STYXL1: variants seen among roughly 807,000 people sequenced by gnomAD.
STYXL1 encodes the protein serine/threonine/tyrosine interacting like 1.
In STYXL1, 32 loss-of-function variants were observed where a neutral mutation model predicts 36.4. The observed-to-expected ratio is 0.88, with a 90% CI of 0.66 to 1.18. The LOEUF (loss-of-function observed/expected upper bound fraction) is 1.18, where lower values mean the gene tolerates loss of function less well. STYXL1 is among the 50% of genes most tolerant of loss of function. STYXL1 has a pLI of 0.00. For synonymous variants in STYXL1, 133 were observed against 144.1 expected (o/e 0.92, Z 0.55); for missense variants, 354 against 394.1 (o/e 0.90, Z 0.86).
At chr7:76,014,624 A>T (rs1354091558) in intron 4 of STYXL1, among the ~76,000 whole-genome samples, 3 of 152,060 alleles carry the variant, frequency 2.0e-5, no homozygotes, top group African/African-American at 7.2e-5. Context: ...GAGTGCTGAG[A>T]TTACAGGTGT....
At chr7:76,009,107 G>C (rs1402721122) in intron 5 of STYXL1, among the ~76,000 whole-genome samples, 7 of 152,130 alleles carry the variant, frequency 4.6e-5, no homozygotes, top group Non-Finnish European at 1.0e-4. Context: ...TTCTGCGGTT[G>C]TGTGGGTTTG....
chr7:76,003,715 C>T, intron 7 of STYXL1, 43 bp downstream of exon 7: 1 of 1,586,966 alleles, frequency 6.3e-7, no homozygotes, highest in Non-Finnish European at 8.7e-7. Context: ...CTCTGCTTCC[C>T]AGACACAGGC....
chr7:76,030,619 A>G, intron 1 of STYXL1, 92 bp from the exon 2 acceptor site: 1 of 756,612 alleles, frequency 1.3e-6, no homozygotes, highest in East Asian at 2.7e-5. Context: ...CTTTTTTAAC[A>G]TACCTTCAAG....
Position 76,027,223 on chromosome 7 carries a change from G to A in STYXL1, c.165+1419C>T, listed in dbSNP as rs531790637. Reference sequence around the variant, plus strand: ...ATGAGGGAGAAGACACCCTGGAGGCGTGGGGAAAAGGTTTCGCTGCAGTAG... The same window carrying A: ...ATGAGGGAGAAGACACCCTGGAGGCATGGGGAAAAGGTTTCGCTGCAGTAG... On this transcript the variant is annotated intron_variant, in intron 3 of 8. Coordinates refer to ENST00000359697, the MANE Select transcript of STYXL1 (RefSeq NM_001317785.2). Among the ~76,000 whole-genome samples, 41 of 152,128 alleles carry A rather than the reference G, an allele frequency of 2.7e-4. 1 individual carries two copies. In the East Asian group the frequency reaches 6.8e-3, roughly 25 times the overall value.
At chr7:75,999,482 A>G (rs1790530740) in intron 8 of STYXL1, among the ~76,000 whole-genome samples, 1 of 84,308 alleles carries the variant, frequency 1.2e-5, no homozygotes, top group Admixed American at 1.2e-4. Flanking sequence ...TAAGATGGTA[A>G]TTTTTTTGTT....
chr7:76,007,087 G>A (rs1361722205), intron 5 of STYXL1, among the ~76,000 whole-genome samples: 1 of 152,104 alleles, frequency 6.6e-6, no homozygotes, highest in Non-Finnish European at 1.5e-5. Flanking sequence ...TACATAGCAT[G>A]TACATTGTAT....
intron 2 of STYXL1, among the ~76,000 whole-genome samples, chr7:76,030,114 C>T (rs1795163192): frequency 6.6e-6 from 1 of 152,180 alleles, no homozygotes; most frequent in Admixed American, 6.5e-5. Context: ...AATTCTCATG[C>T]CTCAGCCTCC....
chr7:76,003,256 C>T (rs782633314), intron 7 of STYXL1, among the ~76,000 whole-genome samples: 13 of 152,218 alleles, frequency 8.5e-5, no homozygotes, highest in Non-Finnish European at 1.5e-4. Flanking sequence ...GGCAACATAG[C>T]AAGACCCCAA....
At chr7:76,004,156 C>T (rs185070331) in intron 6 of STYXL1, among the ~76,000 whole-genome samples, 6 of 152,182 alleles carry the variant, frequency 3.9e-5, no homozygotes, top group African/African-American at 1.2e-4. Context: ...TGCAGTGGCA[C>T]GATCTCGGCT....
intron 1 of STYXL1, 91 bp from the exon 2 acceptor site, chr7:76,030,618 C>T (rs1795222915): frequency 2.6e-6 from 2 of 762,458 alleles, no homozygotes; most frequent in African/African-American, 3.5e-5. Context: ...TCTTTTTTAA[C>T]ATACCTTCAA....
At chr7:76,043,514 G>C (rs1371243995) in intron 1 of STYXL1, among the ~76,000 whole-genome samples, 2 of 151,908 alleles carry the variant, frequency 1.3e-5, no homozygotes, top group African/African-American at 4.8e-5. Context: ...ATGTGGTGGA[G>C]GATTCCAGAA....
In STYXL1 at chr7:76,026,324, G is replaced by A. The variant is rs191552073; in HGVS notation, c.165+2318C>T. On this transcript the variant is annotated intron_variant, in intron 3 of 8. Transcript: ENST00000359697. ...TTTATTTTATTACTTTTGAGACAGG[G>A]TCTTGCTCTGTCGCCCAGGCTGGAG... Among the ~76,000 whole-genome samples, 72 of 151,192 alleles carry A rather than the reference G, an allele frequency of 4.8e-4. No homozygotes were observed. The East Asian group carries it at 0.013, about 27-fold the overall frequency.
chr7:76,010,137 A>G (rs1792377261), intron 5 of STYXL1, among the ~76,000 whole-genome samples: 1 of 152,170 alleles, frequency 6.6e-6, no homozygotes, highest in Non-Finnish European at 1.5e-5. Context: ...CACCCTGCAA[A>G]GCCAGGGTGC....
intron 4 of STYXL1, among the ~76,000 whole-genome samples, chr7:76,018,830 G>A (rs1235776522): frequency 6.6e-6 from 1 of 152,178 alleles, no homozygotes; most frequent in African/African-American, 2.4e-5. Context: ...GAACATTCAT[G>A]TAAAAGCTTT....
chr7:76,023,681 T>C (rs1554576893), intron 3 of STYXL1, among the ~76,000 whole-genome samples: 1 of 151,826 alleles, frequency 6.6e-6, no homozygotes, highest in Non-Finnish European at 1.5e-5. Flanking sequence ...GAGCTATGAT[T>C]GCATCACTGC....
At chr7:76,044,703 A>G (rs1246528795) in intron 1 of STYXL1, 2 of 152,030 alleles carry the variant, frequency 1.3e-5, no homozygotes, top group Non-Finnish European at 2.9e-5. Flanking sequence ...CCCCCCTTAA[A>G]TGAGACATAT....
Position 76,047,698 on chromosome 7 carries a change from G to C in STYXL1, c.-41C>G, listed in dbSNP as rs2302437. ...TCAGAGTCCCCTCTGGCCTCCAAGG[G>C]CAGAAGGAATGGGTTTGGCTGAGGT... is the stretch of plus-strand genomic sequence containing the variant. On this transcript the variant is annotated 5_prime_UTR_variant, in exon 1 of 9. Coordinates refer to ENST00000359697, the MANE Select transcript of STYXL1 (RefSeq NM_001317785.2). The C allele has an allele frequency of 4.6e-6, 1 of 215,254 alleles. No individual in the cohort carries two copies. Among genetic ancestry groups the C allele is most frequent in the South Asian group, 5.4e-5 (1 of 18,566 alleles). The allele number at this position is 215,254 out of a possible 1,614,324, so 13.3% of individuals were successfully genotyped here.
chr7:76,018,195 C>A (rs1308230616), intron 4 of STYXL1, among the ~76,000 whole-genome samples: 1 of 151,938 alleles, frequency 6.6e-6, no homozygotes, highest in Non-Finnish European at 1.5e-5. Flanking sequence ...ATCACCCCTA[C>A]AAGGGACCCT....
intron 4 of STYXL1, among the ~76,000 whole-genome samples, chr7:76,020,601 G>A (rs1554575758): frequency 6.6e-6 from 1 of 152,184 alleles, no homozygotes; most frequent in African/African-American, 2.4e-5. Flanking sequence ...TATAGGTGTG[G>A]TGGTTTAAAA....
Sources: gnomAD v4.1 joint callset for allele counts (sites outside exome capture counted in the v4.1 genomes callset) on GRCh38, gnomAD v4.1.1 for gene constraint, MANE v1.5 for transcripts, NCBI Gene and HGNC (gene_info 2026-07-23, HGNC 2026-07-21) for gene names.